The following CATSPERB variants were observed in gnomAD, a reference collection of about 807,000 sequenced individuals.
CATSPERB encodes the protein cation channel sperm-associated auxiliary subunit beta.
Under a neutral mutation model 128.3 loss-of-function variants are expected in CATSPERB, and 93 were observed. That is an observed-to-expected ratio of 0.72 (90% CI 0.61 to 0.86). The LOEUF is 0.86. Ranked by LOEUF, CATSPERB falls within the 40% of genes least tolerant of loss-of-function variation. The probability of loss-of-function intolerance (pLI) is 0.00; values close to 1 mark genes in which losing one functional copy is unlikely to be tolerated. For synonymous variants in CATSPERB, 381 were observed against 448.8 expected (o/e 0.85, Z 1.91); for missense variants, 1,153 against 1,329.5 (o/e 0.87, Z 2.06).
Position 91,684,569 on chromosome 14 carries a change from T to C in CATSPERB, c.865-626A>G, listed in dbSNP as rs552747140. On this transcript the variant is annotated intron_variant, in intron 10 of 26. Coordinates refer to ENST00000256343, the MANE Select transcript of CATSPERB (RefSeq NM_024764.4). The stretch of plus-strand genomic sequence containing the variant: ...CTGTGTGCAAAAGCCTTTGCTGATA[T>C]CTAATGACAAAACTTGAACACATGA... Among the ~76,000 whole-genome samples, 22 of 151,944 alleles carry C rather than the reference T, an allele frequency of 1.4e-4. No homozygotes were observed. In the South Asian group the frequency reaches 4.0e-3, roughly 27 times the overall value.
chr14:91,706,751 T>G lies in CATSPERB; in HGVS notation c.466+1390A>C, dbSNP rs141366656. 9.2e-5 allele frequency among the ~76,000 whole-genome samples: 14 copies of G among 152,314 alleles called. No homozygotes were observed. The East Asian group carries it at 2.5e-3, about 27-fold the overall frequency. On this transcript the variant is annotated intron_variant, in intron 6 of 26. Coordinates refer to ENST00000256343, the MANE Select transcript of CATSPERB (RefSeq NM_024764.4). ...CTCCTGTCTTCAGCATTTTGGTGAATGATATCATCCTCTACTTGAATGCTT... is the reference window on the plus strand; with the variant it reads ...CTCCTGTCTTCAGCATTTTGGTGAAGGATATCATCCTCTACTTGAATGCTT...
chr14:91,651,931 T>C (rs1386357421), intron 15 of CATSPERB, among the ~76,000 whole-genome samples: 1 of 152,090 alleles, frequency 6.6e-6, no homozygotes, highest in East Asian at 1.9e-4. Context: ...TCATGACATA[T>C]ACAAAATTAG....
At chr14:91,660,078 C>G in intron 14 of CATSPERB, 97 bp from the exon 15 acceptor site, 1 of 951,350 alleles carries the variant, frequency 1.1e-6, no homozygotes, top group Non-Finnish European at 1.6e-6. Flanking sequence ...GTGGCATGAT[C>G]TTTTCCATAT....
At position 91,624,896 on chromosome 14, in the gene CATSPERB, A is replaced by G. The variant is rs1383388645; in HGVS notation, c.1854T>C (p.Asn618=). The change falls in exon 18 of 27, where the codon AAT becomes AAC. Residue 618 remains asparagine, a synonymous_variant. Coordinates refer to ENST00000256343, the MANE Select transcript of CATSPERB (RefSeq NM_024764.4). The part of the protein sequence containing the change: ...MKEPFGLEEV[N]ESSCLSSSLL... ...GGGAACTAGACAAACAAGAGCTCTCATTCACTTCTTCTAATCCAAAGGGCT... is the reference window on the plus strand; with the variant it reads ...GGGAACTAGACAAACAAGAGCTCTCGTTCACTTCTTCTAATCCAAAGGGCT... The G allele has an allele frequency of 1.2e-6, 2 of 1,612,916 alleles. No individual in the cohort carries two copies. The highest frequency in any genetic ancestry group is 2.7e-5 in the African/African-American group (2 of 74,910).
chr14:91,603,309 T>C (rs1893640048), intron 22 of CATSPERB: 1 of 1,523,960 alleles, frequency 6.6e-7, no homozygotes, highest in Non-Finnish European at 9.1e-7. Flanking sequence ...TGGTTTATAA[T>C]CTGTATCAGG....
At position 91,646,478 on chromosome 14, in the gene CATSPERB, C is replaced by G. The variant is rs112495194; in HGVS notation, c.1433-7228G>C. 3.0e-3 allele frequency among the ~76,000 whole-genome samples: 450 copies of G among 152,318 alleles called. 1 individual carries two copies. The highest frequency in any genetic ancestry group is 0.01 in the African/African-American group (432 of 41,566). On this transcript the variant is annotated intron_variant, in intron 15 of 26. Transcript: ENST00000256343. Reference sequence around the variant, plus strand: ...GTAACACTTTCAAAATGTTAAGTCACTTCATCCACTCTCCTCATCAAAACT... The same window carrying G: ...GTAACACTTTCAAAATGTTAAGTCAGTTCATCCACTCTCCTCATCAAAACT...
chr14:91,604,274 T>C (rs1238349073), intron 22 of CATSPERB: 7 of 666,502 alleles, frequency 1.1e-5, no homozygotes, highest in African/African-American at 3.5e-5. Context: ...ATTGACTGGA[T>C]AGGCATAATG....
chr14:91,657,514 C>CAAATGG (rs1397537254), intron 15 of CATSPERB, among the ~76,000 whole-genome samples: 5 of 152,030 alleles, frequency 3.3e-5, no homozygotes, highest in African/African-American at 1.2e-4. Context: ...CAAAAACGGA[C>CAAATGG]AAATGGAATC....
chr14:91,590,935 G>C (rs1038189481), intron 23 of CATSPERB, among the ~76,000 whole-genome samples: 6 of 152,192 alleles, frequency 3.9e-5, no homozygotes, highest in Admixed American at 3.3e-4. Context: ...ACAGGCGTGA[G>C]CCACCGAGCC....
intron 26 of CATSPERB, among the ~76,000 whole-genome samples, chr14:91,582,431 C>G (rs529997120): frequency 6.6e-6 from 1 of 152,178 alleles, no homozygotes; most frequent in Non-Finnish European, 1.5e-5. Context: ...TGACAGGAGG[C>G]AGTCAAATGC....
intron 17 of CATSPERB, among the ~76,000 whole-genome samples, chr14:91,633,380 A>G (rs779875156): frequency 2.0e-5 from 3 of 152,138 alleles, no homozygotes; most frequent in Non-Finnish European, 4.4e-5. Context: ...ACAAATTTTC[A>G]AGGAACAAAA....
intron 22 of CATSPERB, among the ~76,000 whole-genome samples, chr14:91,598,763 C>A (rs1893555314): frequency 7.0e-6 from 1 of 143,778 alleles, no homozygotes; most frequent in South Asian, 2.2e-4. Context: ...GAGGCTGAGG[C>A]AGGGGAATGG....
chr14:91,723,210 A>AG (rs1896063940), intron 3 of CATSPERB, 21 bp from the exon 4 acceptor site: 6 of 1,484,618 alleles, frequency 4.0e-6, no homozygotes, highest in African/African-American at 1.4e-5. Context: ...GCAAGAAAAA[A>AG]AAAAACAACT....
chr14:91,710,325 A>G (rs1895817300), intron 5 of CATSPERB: 1 of 152,232 alleles, frequency 6.6e-6, no homozygotes, highest in South Asian at 2.1e-4. Flanking sequence ...TATGTATTCA[A>G]ATTCTAATAG....
intron 26 of CATSPERB, 151 bp downstream of exon 26, chr14:91,587,051 G>C (rs2295789): frequency 0.14 from 82,027 of 580,402 alleles, 6,590 homozygotes; most frequent in Middle Eastern, 0.18. Flanking sequence ...ACTACTGACA[G>C]GGTCAATGCT....
intron 15 of CATSPERB, among the ~76,000 whole-genome samples, chr14:91,649,763 T>C (rs1894673903): frequency 6.6e-6 from 1 of 151,510 alleles, no homozygotes; most frequent in Non-Finnish European, 1.5e-5. Flanking sequence ...GATTGCCTTT[T>C]AGGGATGGCA....
chr14:91,649,448 A>G (rs1894666480), intron 15 of CATSPERB, among the ~76,000 whole-genome samples: 1 of 151,542 alleles, frequency 6.6e-6, no homozygotes, highest in East Asian at 1.9e-4. Flanking sequence ...AATTACAAGC[A>G]TGAGCCACCA....
intron 11 of CATSPERB, among the ~76,000 whole-genome samples, chr14:91,682,473 C>T (rs1238161509): frequency 2.0e-5 from 3 of 152,162 alleles, no homozygotes; most frequent in Non-Finnish European, 4.4e-5. Flanking sequence ...TCAAACTCTT[C>T]AACTGACTAG....
chr14:91,655,457 A>G (rs1894770926), intron 15 of CATSPERB, among the ~76,000 whole-genome samples: 1 of 152,242 alleles, frequency 6.6e-6, no homozygotes. Flanking sequence ...GAAGGAATCC[A>G]GAATCCTGTC....
Sources: allele counts gnomAD v4.1 joint callset (sites outside exome capture counted in the v4.1 genomes callset), GRCh38; gene constraint gnomAD v4.1.1; transcripts MANE v1.5; gene names NCBI Gene and HGNC (gene_info 2026-07-23, HGNC 2026-07-21).